IFNAR2: variants seen among roughly 807,000 people sequenced by gnomAD.
IFNAR2 encodes interferon alpha/beta receptor 2.
A neutral mutation model predicts 49.4 loss-of-function variants in IFNAR2; 30 were observed. That is an observed-to-expected ratio of 0.61 (90% confidence interval 0.45 to 0.82). The LOEUF (loss-of-function observed/expected upper bound fraction) is 0.82, where lower values mean the gene tolerates loss of function less well. IFNAR2 is among the 40% of genes least tolerant of loss of function. IFNAR2 has a pLI of 0.00. For synonymous variants in IFNAR2, 224 were observed against 234.5 expected (o/e 0.96, Z 0.41); for missense variants, 600 against 622.7 (o/e 0.96, Z 0.39).
chr21:33,252,853 A>G (rs1228382339), intron 7 of IFNAR2, 23 bp downstream of exon 7: 1 of 1,579,824 alleles, frequency 6.3e-7, no homozygotes, highest in Non-Finnish European at 8.7e-7. Context: ...TTTTAAATTC[A>G]TGTTTTGAGT....
intron 7 of IFNAR2, among the ~76,000 whole-genome samples, chr21:33,258,682 G>A (rs1292632548): frequency 1.3e-5 from 2 of 152,184 alleles, no homozygotes; most frequent in African/African-American, 4.8e-5. Flanking sequence ...GCGGGGTTCA[G>A]CAAGTGCCAA....
At chr21:33,250,423 G>GA (rs1281500056) in intron 6 of IFNAR2, among the ~76,000 whole-genome samples, 13 of 151,224 alleles carry the variant, frequency 8.6e-5, no homozygotes, top group Admixed American at 1.3e-4. Flanking sequence ...TTTAAATCCA[G>GA]AAAAAAAAAT....
chr21:33,238,486 A>C (rs879817027), intron 1 of IFNAR2, among the ~76,000 whole-genome samples: 1 of 152,196 alleles, frequency 6.6e-6, no homozygotes, highest in Non-Finnish European at 1.5e-5. Flanking sequence ...GGATGGGGAC[A>C]GAATATCTGA....
At chr21:33,253,484 C>G (rs1218253151) in intron 7 of IFNAR2, among the ~76,000 whole-genome samples, 1 of 152,148 alleles carries the variant, frequency 6.6e-6, no homozygotes, top group Admixed American at 6.5e-5. Context: ...ATGCAAGTCT[C>G]CCTCAAAGAA....
chr21:33,252,467 G>C (rs980888935), intron 6 of IFNAR2, 195 bp from the exon 7 acceptor site: 1 of 985,084 alleles, frequency 1.0e-6, no homozygotes. Flanking sequence ...TGTGTGTGCA[G>C]GTGTATATTA....
At chr21:33,262,597 A>G (rs770418409) in intron 8 of IFNAR2, 196 bp from the exon 9 acceptor site, 34 of 768,196 alleles carry the variant, frequency 4.4e-5, no homozygotes, top group African/African-American at 1.9e-4. Flanking sequence ...TGCAGTGGCT[A>G]TTCACAGGTG....
intron 4 of IFNAR2, among the ~76,000 whole-genome samples, chr21:33,246,405 CA>C (rs1276593832): frequency 1.3e-5 from 2 of 152,266 alleles, no homozygotes; most frequent in African/African-American, 4.8e-5. Context: ...TACTACATGC[CA>C]GGGGGTCCAA....
At position 33,252,934 on chromosome 21, in the gene IFNAR2, AG is replaced by A. The variant is rs1987962877; in HGVS notation, c.709+106del. The A allele has an allele frequency of 8.4e-6, 8 of 953,960 alleles. No individual in the cohort carries two copies. In the Admixed American group the frequency reaches 1.2e-4, roughly 14 times the overall value. The allele number at this position is 953,960 out of a possible 1,614,324, so 59.1% of individuals were successfully genotyped here. On this transcript the variant is annotated intron_variant, in intron 7 of 8. Transcript: ENST00000342136. Reference sequence around the variant, plus strand: ...CTGAAAAGAATTCATGGAGCACTAAAGGTCTTTCTTCCAGTAAACACCTCAC... The same window carrying A: ...CTGAAAAGAATTCATGGAGCACTAAAGTCTTTCTTCCAGTAAACACCTCAC...
intron 1 of IFNAR2, among the ~76,000 whole-genome samples, chr21:33,236,426 T>A (rs967128872): frequency 1.3e-5 from 2 of 152,006 alleles, no homozygotes; most frequent in African/African-American, 4.8e-5. Flanking sequence ...CGTCCAAGGG[T>A]CTTTACGTCT....
intron 6 of IFNAR2, chr21:33,252,214 C>T (rs577805113): frequency 6.8e-5 from 32 of 469,538 alleles, no homozygotes; most frequent in African/African-American, 5.4e-4. Flanking sequence ...TACTTAGCCA[C>T]ACTGAGCTAC....
Position 33,263,785 on chromosome 21 carries a change from A to G in IFNAR2, c.*285A>G, listed in dbSNP as rs1018054847. 1.6e-5 allele frequency: 6 copies of G among 368,988 alleles called. No homozygotes were observed. Among genetic ancestry groups the G allele is most frequent in the South Asian group, 3.8e-5 (1 of 26,274 alleles). 22.9% of individuals were successfully genotyped at this position (368,988 alleles called of 1,614,324 possible). ...CTTAGGATGTTTCTGCATCATGTCTACCAGGGAGCAGGGTTCCCCACAGTT... is the reference window on the plus strand; with the variant it reads ...CTTAGGATGTTTCTGCATCATGTCTGCCAGGGAGCAGGGTTCCCCACAGTT... On this transcript the variant is annotated 3_prime_UTR_variant, in exon 9 of 9. Coordinates refer to ENST00000342136, the MANE Select transcript of IFNAR2 (RefSeq NM_001289125.3).
intron 6 of IFNAR2, chr21:33,251,431 C>A (rs1383971299): frequency 5.4e-6 from 2 of 369,842 alleles, no homozygotes; most frequent in Non-Finnish European, 7.5e-6. Context: ...GGAGTAGATT[C>A]AAGAAAGAGT....
At chr21:33,254,629 G>A (rs1024436338) in intron 7 of IFNAR2, among the ~76,000 whole-genome samples, 12 of 152,194 alleles carry the variant, frequency 7.9e-5, no homozygotes, top group African/African-American at 2.2e-4. Context: ...CGTGGCCTCC[G>A]CAACCCTTTG....
At chr21:33,260,094 C>T (rs2123528488) in intron 7 of IFNAR2, among the ~76,000 whole-genome samples, 1 of 152,300 alleles carries the variant, frequency 6.6e-6, no homozygotes, top group East Asian at 1.9e-4. Flanking sequence ...CTAAGGGGAA[C>T]TGTTAATAGA....
chr21:33,239,328 GTCCTC>G (rs1488843207), intron 1 of IFNAR2, among the ~76,000 whole-genome samples: 1 of 152,222 alleles, frequency 6.6e-6, no homozygotes, highest in East Asian at 1.9e-4. Flanking sequence ...TGCCTGCACT[GTCCTC>G]TTGGTCTGGC....
rs1467012229 is a variant in IFNAR2, at chr21:33,262,771, TCTC to T, written c.841-21_841-19del. The T allele has an allele frequency of 2.6e-6, 4 of 1,557,060 alleles. No individual in the cohort carries two copies. Among genetic ancestry groups the T allele is most frequent in the East Asian group, 2.3e-5 (1 of 43,140 alleles). ...CAGTACAGCTGATACGGACTCTCTC[TCTC>T]TTTTTTTTTTTTTTTAAGAATTTTC... On this transcript the variant is annotated intron_variant, in intron 8 of 8. Transcript: ENST00000342136.
intron 6 of IFNAR2, chr21:33,252,287 G>A (rs1180947062): frequency 2.2e-6 from 1 of 451,070 alleles, no homozygotes; most frequent in African/African-American, 2.1e-5. Context: ...AAGTCAAAAG[G>A]GTTAATGTTT....
intron 1 of IFNAR2, among the ~76,000 whole-genome samples, chr21:33,235,332 G>A (rs978968874): frequency 2.6e-5 from 4 of 152,264 alleles, no homozygotes; most frequent in Admixed American, 2.6e-4. Context: ...GAGTCACTCT[G>A]GTTCCAACAC....
At chr21:33,252,455 T>C (rs1033397463) in intron 6 of IFNAR2, 2 of 984,458 alleles carry the variant, frequency 2.0e-6, no homozygotes, top group African/African-American at 3.5e-5. Context: ...TTATAAAATA[T>C]GTGTGTGTGC....
Sources: gnomAD v4.1 joint callset for allele counts (sites outside exome capture counted in the v4.1 genomes callset) on GRCh38, gnomAD v4.1.1 for gene constraint, MANE v1.5 for transcripts, NCBI Gene and HGNC (gene_info 2026-07-23, HGNC 2026-07-21) for gene names.